The following MRPL42 variants were observed in gnomAD, a reference collection of about 807,000 sequenced individuals.
MRPL42 encodes mitochondrial ribosomal protein L42, also known as large ribosomal subunit protein mL42.
A neutral mutation model predicts 17.9 loss-of-function variants in MRPL42; 17 were observed. The observed-to-expected ratio is 0.95, with a 90% CI of 0.65 to 1.42. The LOEUF is 1.42. MRPL42 is among the 40% of genes most tolerant of loss of function. MRPL42 has a pLI of 0.00. For missense variants in MRPL42, 177 were observed against 175.2 expected, an observed-to-expected ratio of 1.01 and a Z score of -0.06; for synonymous variants, 59 against 54.4, an observed-to-expected ratio of 1.08 and a Z score of -0.37.
chr12:93,514,701 A>G lies in MRPL42; in HGVS notation c.*13480A>G, dbSNP rs537527476. The G allele has an allele frequency of 1.3e-5, 2 of 152,186 alleles. No individual in the cohort carries two copies. The highest frequency in any genetic ancestry group is 3.9e-4 in the East Asian group (2 of 5,186). 9.4% of individuals were successfully genotyped at this position (152,186 alleles called of 1,614,324 possible). A position where few individuals can be genotyped will look rare whatever the true frequency, so the allele number is the denominator to read the frequency against. The stretch of plus-strand genomic sequence containing the variant: ...AATAAATTTACTCCTATTTGAAAAT[A>G]TTTGTCATATTCCTTCTTATTTTTC... On this transcript the variant is annotated 3_prime_UTR_variant, in exon 6 of 6. Transcript: ENST00000549982.
In MRPL42 at chr12:93,505,602, C is replaced by T. The variant is rs1953661214; in HGVS notation, c.*4381C>T. ...CTCCCAATTGAGCTCAGCCATCAGC[C>T]TCCTACTATTTTTTAATGTGCTGTT... On this transcript the variant is annotated 3_prime_UTR_variant, in exon 6 of 6. Coordinates refer to ENST00000549982, the MANE Select transcript of MRPL42 (RefSeq NM_014050.4). 1 of 152,112 alleles carries T rather than the reference C, an allele frequency of 6.6e-6. No homozygotes were observed. The highest frequency in any genetic ancestry group is 1.5e-5 in the Non-Finnish European group (1 of 68,032). 9.4% of individuals were successfully genotyped at this position (152,112 alleles called of 1,614,324 possible).
Position 93,515,006 on chromosome 12 carries a change from C to T in MRPL42, c.*13785C>T, listed in dbSNP as rs1184341643. 2 of 152,182 alleles carry T rather than the reference C, an allele frequency of 1.3e-5. No homozygotes were observed. Among genetic ancestry groups the T allele is most frequent in the Non-Finnish European group, 2.9e-5 (2 of 68,024 alleles). 9.4% of individuals were successfully genotyped at this position (152,182 alleles called of 1,614,324 possible). ...AAATAGTCTCCAAACTCAGCTGATT[C>T]CTTCTGCAGATACACTCTCCACCCT... On this transcript the variant is annotated 3_prime_UTR_variant, in exon 6 of 6. Transcript: ENST00000549982.
At position 93,509,239 on chromosome 12, in the gene MRPL42, T is replaced by C. The variant is rs575971445; in HGVS notation, c.*8018T>C. 6.6e-6 allele frequency: 1 copy of C among 151,812 alleles called. No individual in the cohort carries two copies. Among genetic ancestry groups the C allele is most frequent in the South Asian group, 2.1e-4 (1 of 4,802 alleles). The allele number at this position is 151,812 out of a possible 1,614,324, so 9.4% of individuals were successfully genotyped here. ...GCTTTTTGCAAAGTGGTTGTACCAT[T>C]TTATATTCTCACCACCATGAATGAA... On this transcript the variant is annotated 3_prime_UTR_variant, in exon 6 of 6. Transcript: ENST00000549982.
rs1953669645 is a variant in MRPL42 at position 93,506,287 on chromosome 12, CAG to C, written c.*5069_*5070del. The stretch of plus-strand genomic sequence containing the variant: ...TTTTTTTTTTTTTTTTTTTTTGGGA[CAG>C]AGTCTTGCTCTTGTTGCCTTGGCTG... On this transcript the variant is annotated 3_prime_UTR_variant, in exon 6 of 6. Transcript: ENST00000549982. 1.4e-5 allele frequency: 1 copy of C among 72,902 alleles called. No individual in the cohort carries two copies. Among genetic ancestry groups the C allele is most frequent in the Non-Finnish European group, 2.4e-5 (1 of 42,328 alleles). The allele number at this position is 72,902 out of a possible 1,614,324, so 4.5% of individuals were successfully genotyped here.
chr12:93,478,075 G>T (rs1880267481), intron 3 of MRPL42, among the ~76,000 whole-genome samples: 1 of 151,986 alleles, frequency 6.6e-6, no homozygotes, highest in Non-Finnish European at 1.5e-5. Context: ...TCTTGCCTCA[G>T]CCCCCCAAGT....
chr12:93,511,266 A>C lies in MRPL42; in HGVS notation c.*10045A>C, dbSNP rs1478304826. On this transcript the variant is annotated 3_prime_UTR_variant, in exon 6 of 6. Coordinates refer to ENST00000549982, the MANE Select transcript of MRPL42 (RefSeq NM_014050.4). ...CAACATTTAAATACAGAACATAAAG[A>C]GATAAATCCAAAACCAGAAGATCTC... is the stretch of plus-strand genomic sequence containing the variant. 1 of 152,188 alleles carries C rather than the reference A, an allele frequency of 6.6e-6. No individual in the cohort carries two copies. Among genetic ancestry groups the C allele is most frequent in the Non-Finnish European group, 1.5e-5 (1 of 68,020 alleles). The allele number at this position is 152,188 out of a possible 1,614,324, so 9.4% of individuals were successfully genotyped here.
chr12:93,496,691 A>C (rs543333482), intron 5 of MRPL42, among the ~76,000 whole-genome samples: 127 of 149,018 alleles, frequency 8.5e-4, no homozygotes, highest in African/African-American at 3.0e-3. Flanking sequence ...TATGCTGCCT[A>C]TAAGAAATCC....
At chr12:93,472,500 A>T (rs925289189) in intron 2 of MRPL42, among the ~76,000 whole-genome samples, 1 of 152,160 alleles carries the variant, frequency 6.6e-6, no homozygotes, top group East Asian at 1.9e-4. Flanking sequence ...AGGTAGGAAG[A>T]TTGCTTGAGC....
intron 2 of MRPL42, chr12:93,470,567 A>C: frequency 2.3e-6 from 3 of 1,280,976 alleles, no homozygotes; most frequent in Non-Finnish European, 3.1e-6. Flanking sequence ...CCGTCACCCA[A>C]ATAGTGAACA....
At chr12:93,472,676 A>G (rs1240337669) in intron 2 of MRPL42, among the ~76,000 whole-genome samples, 1 of 152,232 alleles carries the variant, frequency 6.6e-6, no homozygotes, top group Admixed American at 6.5e-5. Flanking sequence ...AAGCGAAATC[A>G]TGATTAAGGA....
At position 93,504,594 on chromosome 12, in the gene MRPL42, A is replaced by G. The variant is rs143243214; in HGVS notation, c.*3373A>G. On this transcript the variant is annotated 3_prime_UTR_variant, in exon 6 of 6. Coordinates refer to ENST00000549982, the MANE Select transcript of MRPL42 (RefSeq NM_014050.4). ...TAATGTATGTCTCATTTCAAAGCAT[A>G]TAAAGTATACAAGTTTCAGGTCCTA... 4 of 152,382 alleles carry G rather than the reference A, an allele frequency of 2.6e-5. No homozygotes were observed. In the East Asian group the frequency reaches 7.7e-4, roughly 29 times the overall value. The allele number at this position is 152,382 out of a possible 1,614,324, so 9.4% of individuals were successfully genotyped here. A position where few individuals can be genotyped will look rare whatever the true frequency, so the allele number is the denominator to read the frequency against.
intron 4 of MRPL42, among the ~76,000 whole-genome samples, chr12:93,485,518 G>A (rs1880701391): frequency 6.6e-6 from 1 of 150,982 alleles, no homozygotes; most frequent in African/African-American, 2.4e-5. Flanking sequence ...TTAATACAGT[G>A]GTAGAATGTA....
Position 93,505,661 on chromosome 12 carries a change from C to T in MRPL42, c.*4440C>T, listed in dbSNP as rs1953661823. 6.6e-6 allele frequency: 1 copy of T among 152,152 alleles called. No individual in the cohort carries two copies. The highest frequency in any genetic ancestry group is 2.4e-5 in the African/African-American group (1 of 41,446). 9.4% of individuals were successfully genotyped at this position (152,152 alleles called of 1,614,324 possible). A position where few individuals can be genotyped will look rare whatever the true frequency, so the allele number is the denominator to read the frequency against. ...TGAATGTGAGAATATTTTGAATGCA[C>T]TGGGAAGGAATACTCAGGAACAATA... On this transcript the variant is annotated 3_prime_UTR_variant, in exon 6 of 6. Coordinates refer to ENST00000549982, the MANE Select transcript of MRPL42 (RefSeq NM_014050.4).
chr12:93,494,562 A>G (rs1012432256), intron 5 of MRPL42, among the ~76,000 whole-genome samples: 2 of 152,232 alleles, frequency 1.3e-5, no homozygotes, highest in African/African-American at 4.8e-5. Flanking sequence ...GTGGAGGACC[A>G]TCAGAAGCAC....
intron 4 of MRPL42, among the ~76,000 whole-genome samples, chr12:93,485,433 G>A (rs932890290): frequency 6.6e-6 from 1 of 151,866 alleles, no homozygotes; most frequent in African/African-American, 2.4e-5. Context: ...GTGAGCCACC[G>A]CACCTGGCCA....
In MRPL42 at chr12:93,505,247, A is replaced by G. The variant is rs961484797; in HGVS notation, c.*4026A>G. The G allele has an allele frequency of 6.6e-6, 1 of 152,190 alleles. No individual in the cohort carries two copies. The highest frequency in any genetic ancestry group is 1.5e-5 in the Non-Finnish European group (1 of 68,040). 9.4% of individuals were successfully genotyped at this position (152,190 alleles called of 1,614,324 possible). On this transcript the variant is annotated 3_prime_UTR_variant, in exon 6 of 6. Coordinates refer to ENST00000549982, the MANE Select transcript of MRPL42 (RefSeq NM_014050.4). Reference sequence around the variant, plus strand: ...CCACATATTCTAAGAGGCATCTTCAATTAGATTCCAAAAATTTTTAAGAAA... The same window carrying G: ...CCACATATTCTAAGAGGCATCTTCAGTTAGATTCCAAAAATTTTTAAGAAA...
chr12:93,485,088 C>G (rs1335503955), intron 4 of MRPL42, among the ~76,000 whole-genome samples: 1 of 141,676 alleles, frequency 7.1e-6, no homozygotes, highest in Non-Finnish European at 1.5e-5. Context: ...TAGGCTCAAG[C>G]ATTCCTTTGC....
At chr12:93,497,176 C>T (rs1170540187) in intron 5 of MRPL42, among the ~76,000 whole-genome samples, 1 of 152,002 alleles carries the variant, frequency 6.6e-6, no homozygotes, top group Non-Finnish European at 1.5e-5. Context: ...TACTATTCCC[C>T]CAACAACAAC....
At position 93,513,813 on chromosome 12, in the gene MRPL42, A is replaced by G. The variant is rs977728562; in HGVS notation, c.*12592A>G. The G allele has an allele frequency of 2.6e-5, 4 of 152,206 alleles. No homozygotes were observed. Among genetic ancestry groups the G allele is most frequent in the Non-Finnish European group, 4.4e-5 (3 of 68,040 alleles). The allele number at this position is 152,206 out of a possible 1,614,324, so 9.4% of individuals were successfully genotyped here. ...TAATTTATAAAAGTACTAGACCACA[A>G]TGGATTAAAGAACTATCCTTTCATC... On this transcript the variant is annotated 3_prime_UTR_variant, in exon 6 of 6. Transcript: ENST00000549982.
Sources: allele counts gnomAD v4.1 joint callset (sites outside exome capture counted in the v4.1 genomes callset), GRCh38; gene constraint gnomAD v4.1.1; transcripts MANE v1.5; gene names NCBI Gene and HGNC (gene_info 2026-07-23, HGNC 2026-07-21).